OSBPL6: variants seen among roughly 807,000 people sequenced by gnomAD.
OSBPL6 encodes the protein oxysterol binding protein like 6.
In OSBPL6, 49 loss-of-function variants were observed where a neutral mutation model predicts 125.8. The ratio of observed to expected loss-of-function variants is 0.39; its 90% CI spans 0.31 to 0.49. The LOEUF is 0.49. Among genes scored for constraint, OSBPL6 ranks in the 20% least tolerant of loss-of-function variants. The pLI, the probability that OSBPL6 is intolerant of heterozygous loss-of-function variation, is 0.88. For synonymous variants in OSBPL6, 394 were observed against 391.8 expected (o/e 1.01, Z -0.07); for missense variants, 986 against 1,135.4 (o/e 0.87, Z 1.89).
intron 15 of OSBPL6, among the ~76,000 whole-genome samples, chr2:178,375,277 G>C (rs1178833064): frequency 6.6e-6 from 1 of 152,128 alleles, no homozygotes; most frequent in Admixed American, 6.5e-5. Context: ...CAAGGACTTG[G>C]TATTTGTGTC....
intron 11 of OSBPL6, among the ~76,000 whole-genome samples, chr2:178,345,156 G>A (rs1409124872): frequency 1.3e-5 from 2 of 152,120 alleles, no homozygotes; most frequent in African/African-American, 4.8e-5. Context: ...TTAATCATGA[G>A]CACCTATGAA....
intron 12 of OSBPL6, among the ~76,000 whole-genome samples, chr2:178,359,134 C>G (rs10181771): frequency 0.6 from 90,624 of 151,990 alleles, 28,137 homozygotes; most frequent in East Asian, 0.72. Context: ...TATGATCACG[C>G]CATTGCACTC....
chr2:178,204,345 C>T (rs1412599588), intron 1 of OSBPL6, among the ~76,000 whole-genome samples: 1 of 152,166 alleles, frequency 6.6e-6, no homozygotes, highest in East Asian at 1.9e-4. Flanking sequence ...TTGATGGGAA[C>T]TCTCTGCAGA....
intron 2 of OSBPL6, among the ~76,000 whole-genome samples, chr2:178,299,407 C>T (rs962195134): frequency 1.3e-5 from 2 of 152,190 alleles, no homozygotes; most frequent in African/African-American, 4.8e-5. Context: ...ACCAGGGAAG[C>T]TGTTAAATAG....
chr2:178,367,771 T>C (rs1692986474), intron 13 of OSBPL6, among the ~76,000 whole-genome samples: 1 of 152,228 alleles, frequency 6.6e-6, no homozygotes, highest in Non-Finnish European at 1.5e-5. Flanking sequence ...CATTGTAGTT[T>C]TTAGTGCAGT....
At chr2:178,341,359 A>G (rs1690180866) in intron 11 of OSBPL6, among the ~76,000 whole-genome samples, 2 of 142,596 alleles carry the variant, frequency 1.4e-5, no homozygotes, top group South Asian at 2.3e-4. Context: ...TTTCTGAAGG[A>G]CACAGAATGC....
chr2:178,289,423 T>C (rs1381984530), intron 2 of OSBPL6, among the ~76,000 whole-genome samples: 1 of 152,236 alleles, frequency 6.6e-6, no homozygotes, highest in East Asian at 1.9e-4. Flanking sequence ...ACACTCAGAT[T>C]CATCTATCTC....
chr2:178,285,586 A>AG (rs1684622260), intron 2 of OSBPL6, among the ~76,000 whole-genome samples: 1 of 152,208 alleles, frequency 6.6e-6, no homozygotes, highest in African/African-American at 2.4e-5. Context: ...TGCTCATGAG[A>AG]CTGAAATGGC....
rs1030955135 is a variant in OSBPL6, at chr2:178,397,271, C to G, written c.*1712C>G. The G allele has an allele frequency of 6.6e-6, 1 of 152,236 alleles. No individual in the cohort carries two copies. Among genetic ancestry groups the G allele is most frequent in the Non-Finnish European group, 1.5e-5 (1 of 68,030 alleles). The allele number at this position is 152,236 out of a possible 1,614,324, so 9.4% of individuals were successfully genotyped here. Reference sequence around the variant, plus strand: ...TGAGTTTTTATGTTATGTGTACAGTCTGCATTAGCTTAGAATGGAATTTCA... The same window carrying G: ...TGAGTTTTTATGTTATGTGTACAGTGTGCATTAGCTTAGAATGGAATTTCA... On this transcript the variant is annotated 3_prime_UTR_variant, in exon 25 of 25. Coordinates refer to ENST00000190611, the MANE Select transcript of OSBPL6 (RefSeq NM_032523.4).
At chr2:178,213,063 T>C (rs1461130931) in intron 1 of OSBPL6, among the ~76,000 whole-genome samples, 1 of 152,150 alleles carries the variant, frequency 6.6e-6, no homozygotes, top group Non-Finnish European at 1.5e-5. Context: ...TGCCTCGGCC[T>C]CCCAAAGTGC....
intron 12 of OSBPL6, among the ~76,000 whole-genome samples, chr2:178,356,342 T>C (rs1337789844): frequency 6.6e-6 from 1 of 152,140 alleles, no homozygotes; most frequent in East Asian, 1.9e-4. Flanking sequence ...GAAAACCCCA[T>C]TGCCGCCACC....
intron 9 of OSBPL6, 51 bp from the exon 10 acceptor site, chr2:178,338,940 C>A (rs371217124): frequency 5.3e-6 from 7 of 1,326,354 alleles, no homozygotes; most frequent in Non-Finnish European, 7.5e-6. Context: ...TTACCATCCC[C>A]ACCGCTCCCT....
In OSBPL6 at chr2:178,395,495, A is replaced by T; in HGVS notation, c.2741A>T (p.Asp914Val). ...CAAAGAGAAGCCTGGGTTTCTAACG[A>T]CACCTACTGGGAGCTTCGAAAGGAC... ...ANQREAWVSN[D>V]TYWELRKDPG... The change falls in exon 25 of 25, where the codon GAC becomes GTC. Residue 914 changes from aspartate to valine, a missense_variant. Transcript: ENST00000190611. 6.2e-7 allele frequency: 1 copy of T among 1,613,864 alleles called. No homozygotes were observed. Among genetic ancestry groups the T allele is most frequent in the Non-Finnish European group, 8.5e-7 (1 of 1,179,854 alleles).
At chr2:178,196,063 C>T (rs761175158) in intron 1 of OSBPL6, among the ~76,000 whole-genome samples, 1 of 151,398 alleles carries the variant, frequency 6.6e-6, no homozygotes, top group Non-Finnish European at 1.5e-5. Context: ...ACTGCAAGCT[C>T]ACAACGTTGA....
At position 178,395,772 on chromosome 2, in the gene OSBPL6, TAAAAAAAAAAAAAAA is replaced by T. The variant is rs746653123; in HGVS notation, c.*227_*241del. On this transcript the variant is annotated 3_prime_UTR_variant, in exon 25 of 25. Coordinates refer to ENST00000190611, the MANE Select transcript of OSBPL6 (RefSeq NM_032523.4). ...TCTGTTTTGCTGCAACCATATTCCT[TAAAAAAAAAAAAAAA>T]AAAAAAAAAAAAATCCACACCGTCC... The T allele has an allele frequency of 1.2e-4, 28 of 243,376 alleles. 1 individual carries two copies. Among genetic ancestry groups the T allele is most frequent in the African/African-American group, 2.7e-4 (6 of 21,968 alleles). 15.1% of individuals were successfully genotyped at this position (243,376 alleles called of 1,614,324 possible).
chr2:178,341,819 CTTGCCCAAACCA>C (rs1690227828), intron 11 of OSBPL6, among the ~76,000 whole-genome samples: 4 of 152,150 alleles, frequency 2.6e-5, no homozygotes, highest in Non-Finnish European at 5.9e-5. Context: ...ACCTTTTCTG[CTTGCCCAAACCA>C]ACAGGTCTTG....
At chr2:178,359,991 G>T (rs1186549620) in intron 12 of OSBPL6, among the ~76,000 whole-genome samples, 1 of 152,154 alleles carries the variant, frequency 6.6e-6, no homozygotes, top group Non-Finnish European at 1.5e-5. Flanking sequence ...AGAGGCTGAT[G>T]CACGAGAATT....
intron 2 of OSBPL6, among the ~76,000 whole-genome samples, chr2:178,298,943 A>C (rs967167551): frequency 6.6e-6 from 1 of 152,118 alleles, no homozygotes; most frequent in African/African-American, 2.4e-5. Context: ...ATTTGTACAC[A>C]CCTAGGGATT....
intron 3 of OSBPL6, among the ~76,000 whole-genome samples, chr2:178,322,153 C>T (rs910615704): frequency 6.6e-6 from 1 of 152,160 alleles, no homozygotes; most frequent in African/African-American, 2.4e-5. Context: ...ATTTAATTTC[C>T]TTTCCCTAGC....
Sources: allele counts gnomAD v4.1 joint callset (sites outside exome capture counted in the v4.1 genomes callset), GRCh38; gene constraint gnomAD v4.1.1; transcripts MANE v1.5; gene names NCBI Gene and HGNC (gene_info 2026-07-23, HGNC 2026-07-21).